The following SYTL3 variants were observed in gnomAD, a reference collection of about 807,000 sequenced individuals.
The protein encoded by SYTL3 is synaptotagmin like 3.
SYTL3 carries 88 observed loss-of-function variants against 82.1 expected under a neutral mutation model. That is an observed-to-expected ratio of 1.07 (90% CI 0.90 to 1.28). The LOEUF (loss-of-function observed/expected upper bound fraction) is 1.28. SYTL3 is among the 50% of genes most tolerant of loss of function. SYTL3 has a pLI of 0.00. For missense variants in SYTL3, 831 were observed against 757.6 expected (o/e 1.10, Z -1.14); for synonymous variants, 311 against 289.4 (o/e 1.07, Z -0.76).
rs1308640418 is a variant in SYTL3, at chr6:158,682,871, T to C, written c.330-54T>C. On this transcript the variant is annotated intron_variant, in intron 5 of 17. Transcript: ENST00000611299. ...ACCTAACCCTTAAAAGGGGTAAATA[T>C]AGCACTATTCATATCTTCTCTCTCT... 1.9e-5 allele frequency: 26 copies of C among 1,373,242 alleles called. No individual in the cohort carries two copies. In the South Asian group the frequency reaches 2.6e-4, roughly 14 times the overall value. 85.1% of individuals were successfully genotyped at this position (1,373,242 alleles called of 1,614,324 possible).
chr6:158,696,158 A>G (rs551884052), intron 6 of SYTL3, among the ~76,000 whole-genome samples: 1 of 152,190 alleles, frequency 6.6e-6, no homozygotes, highest in African/African-American at 2.4e-5. Context: ...CTAGCAATGC[A>G]CAAGGGTTCC....
intron 6 of SYTL3, among the ~76,000 whole-genome samples, chr6:158,690,234 T>C (rs889785380): frequency 6.6e-6 from 1 of 152,240 alleles, no homozygotes; most frequent in African/African-American, 2.4e-5. Flanking sequence ...AGTAAAGGAA[T>C]AAGTGAATAA....
intron 11 of SYTL3, among the ~76,000 whole-genome samples, chr6:158,742,119 G>C (rs1787000826): frequency 6.6e-6 from 1 of 152,104 alleles, no homozygotes; most frequent in African/African-American, 2.4e-5. Context: ...TTTGCTTTTT[G>C]TCTAACATCA....
At chr6:158,740,709 T>C (rs1786819106) in intron 11 of SYTL3, among the ~76,000 whole-genome samples, 1 of 152,238 alleles carries the variant, frequency 6.6e-6, no homozygotes, top group African/African-American at 2.4e-5. Flanking sequence ...ACATTGAGTA[T>C]GAAAAACTGG....
chr6:158,755,254 G>A (rs1217303418), intron 13 of SYTL3, among the ~76,000 whole-genome samples: 2 of 152,130 alleles, frequency 1.3e-5, no homozygotes, highest in Non-Finnish European at 2.9e-5. Context: ...GAGGTGGGAG[G>A]ATCGCTTGAG....
intron 8 of SYTL3, among the ~76,000 whole-genome samples, chr6:158,711,396 T>G (rs991924579): frequency 6.6e-6 from 1 of 151,650 alleles, no homozygotes; most frequent in Non-Finnish European, 1.5e-5. Flanking sequence ...ATGAGAGGAG[T>G]CTTACTAGGG....
At chr6:158,658,158 C>G (rs528868698) in intron 2 of SYTL3, among the ~76,000 whole-genome samples, 1 of 152,350 alleles carries the variant, frequency 6.6e-6, no homozygotes, top group Non-Finnish European at 1.5e-5. Flanking sequence ...TCCCAAAGTT[C>G]TGGGATTACA....
intron 5 of SYTL3, among the ~76,000 whole-genome samples, chr6:158,679,613 G>C (rs1409074623): frequency 6.6e-6 from 1 of 152,058 alleles, no homozygotes; most frequent in Non-Finnish European, 1.5e-5. Flanking sequence ...AGAGATCCTC[G>C]AGTTTATGCC....
intron 6 of SYTL3, among the ~76,000 whole-genome samples, chr6:158,686,826 G>T (rs1377691385): frequency 6.6e-6 from 1 of 152,192 alleles, no homozygotes; most frequent in African/African-American, 2.4e-5. Flanking sequence ...TTGAGCTGAT[G>T]CTGGCCAGAC....
intron 15 of SYTL3, 144 bp from the exon 16 acceptor site, chr6:158,761,932 C>T (rs1790032386): frequency 1.6e-6 from 1 of 616,382 alleles, no homozygotes; most frequent in Non-Finnish European, 2.9e-6. Flanking sequence ...CCAGCAGAGC[C>T]CACTGCACCA....
rs781076754 is a variant in SYTL3, at chr6:158,760,702, G to T, written c.1371G>T (p.Leu457=). ...SNGELTVRAK[L]VLPSRPRKLQ... ...GAGAGCTCACAGTCCGGGCTAAGCT[G>T]GTTCTCCCTTCACGGCCCAGAAAAC... is the stretch of plus-strand genomic sequence containing the variant. The change falls in exon 15 of 18, where the codon CTG becomes CTT. Residue 457 remains leucine, a synonymous_variant. Coordinates refer to ENST00000611299, the MANE Select transcript of SYTL3 (RefSeq NM_001242394.2). 1 of 1,614,170 alleles carries T rather than the reference G, an allele frequency of 6.2e-7. No individual in the cohort carries two copies.
intron 9 of SYTL3, among the ~76,000 whole-genome samples, chr6:158,714,717 G>T (rs930621299): frequency 6.6e-6 from 1 of 152,190 alleles, no homozygotes; most frequent in Non-Finnish European, 1.5e-5. Flanking sequence ...GGGTCCTTAG[G>T]CATGGATTTC....
intron 15 of SYTL3, 111 bp downstream of exon 15, chr6:158,760,856 C>A: frequency 1.3e-6 from 1 of 787,698 alleles, no homozygotes; most frequent in East Asian, 2.7e-5. Flanking sequence ...TTTCTACGTC[C>A]CCGTGCCCAG....
intron 14 of SYTL3, among the ~76,000 whole-genome samples, chr6:158,759,438 A>C (rs548749958): frequency 6.6e-6 from 1 of 152,314 alleles, no homozygotes; most frequent in African/African-American, 2.4e-5. Context: ...GGTAACTGAG[A>C]GGGCTGCTTC....
At chr6:158,754,715 G>A (rs1327524302) in intron 13 of SYTL3, among the ~76,000 whole-genome samples, 5 of 152,172 alleles carry the variant, frequency 3.3e-5, no homozygotes, top group Admixed American at 1.3e-4. Flanking sequence ...GCGAGACTCC[G>A]TCTCAACAAA....
intron 10 of SYTL3, among the ~76,000 whole-genome samples, chr6:158,719,569 T>A (rs923248040): frequency 6.6e-6 from 1 of 152,108 alleles, no homozygotes; most frequent in Non-Finnish European, 1.5e-5. Context: ...ATTTGGCAGG[T>A]GTTTGAAATT....
Position 158,664,834 on chromosome 6 carries a change from A to G in SYTL3, c.111-561A>G, listed in dbSNP as rs151328175. Among the ~76,000 whole-genome samples, 44 of 152,086 alleles carry G rather than the reference A, an allele frequency of 2.9e-4. No homozygotes were observed. The East Asian group carries it at 8.5e-3, about 29-fold the overall frequency. ...ATAAAAGAGCGTGCTAGTAAATGAC[A>G]CCTTTTTGGTCCAATACAGTATCTC... On this transcript the variant is annotated intron_variant, in intron 4 of 17. Transcript: ENST00000611299.
At chr6:158,683,096 G>A (rs1178575046) in intron 6 of SYTL3, 107 bp downstream of exon 6, 3 of 764,784 alleles carry the variant, frequency 3.9e-6, no homozygotes, top group African/African-American at 1.8e-5. Flanking sequence ...TGTAGTCTGC[G>A]GGCCCCTATG....
At chr6:158,749,860 CTA>C (rs1354332188) in intron 12 of SYTL3, among the ~76,000 whole-genome samples, 1 of 152,158 alleles carries the variant, frequency 6.6e-6, no homozygotes, top group Admixed American at 6.5e-5. Flanking sequence ...CTGAATAACT[CTA>C]TATCTGTTAA....
Sources: gnomAD v4.1 joint callset for allele counts (sites outside exome capture counted in the v4.1 genomes callset) on GRCh38, gnomAD v4.1.1 for gene constraint, MANE v1.5 for transcripts, NCBI Gene and HGNC (gene_info 2026-07-23, HGNC 2026-07-21) for gene names.